Variants in CSNK1G3 observed in about 807,000 individuals in gnomAD.
CSNK1G3 encodes the protein casein kinase 1 gamma 3.
Under a neutral mutation model 64.3 loss-of-function variants are expected in CSNK1G3, and 23 were observed. That is an observed-to-expected ratio of 0.36 (90% CI 0.26 to 0.51). The LOEUF is 0.51. CSNK1G3 is among the 20% of genes least tolerant of loss of function. The pLI is 0.96. For synonymous variants in CSNK1G3, 158 were observed against 162.2 expected, an observed-to-expected ratio of 0.97 and a Z score of 0.20; for missense variants, 357 against 510.5, an observed-to-expected ratio of 0.70 and a Z score of 2.90.
chr5:123,542,533 G>A (rs1466111903), intron 1 of CSNK1G3, among the ~76,000 whole-genome samples: 1 of 152,060 alleles, frequency 6.6e-6, no homozygotes, highest in African/African-American at 2.4e-5. Flanking sequence ...TGTTGTGCAG[G>A]TCTGCTGGCA....
chr5:123,549,598 G>C (rs1460826440), intron 2 of CSNK1G3, among the ~76,000 whole-genome samples: 1 of 152,140 alleles, frequency 6.6e-6, no homozygotes, highest in Non-Finnish European at 1.5e-5. Flanking sequence ...CATTTACCTT[G>C]CCCTGCATTG....
rs1278088409 is a variant in CSNK1G3, at chr5:123,543,526, ACTC to A, written c.-247-1888_-247-1886del. ...CCTTACCGCACCACTCCACTGCAAA[ACTC>A]CTTCATTTTTGATACTGTGTACTAC... On this transcript the variant is annotated intron_variant, in intron 1 of 12. Transcript: ENST00000345990. Among the ~76,000 whole-genome samples, 17 of 151,640 alleles carry A rather than the reference ACTC, an allele frequency of 1.1e-4. No homozygotes were observed. The South Asian group carries it at 1.7e-3, about 15-fold the overall frequency.
At chr5:123,553,112 A>T (rs749157272) in exon 3 of CSNK1G3, 1 of 1,397,110 alleles carries the variant, frequency 7.2e-7, no homozygotes, top group Non-Finnish European at 9.6e-7. Flanking sequence ...TCAAGGGAAA[A>T]ATTTATACAC....
intron 11 of CSNK1G3, among the ~76,000 whole-genome samples, chr5:123,605,131 C>T (rs966744814): frequency 6.6e-6 from 1 of 151,948 alleles, no homozygotes; most frequent in Non-Finnish European, 1.5e-5. Context: ...GATGTACTAT[C>T]AATCTTTTTT....
chr5:123,526,039 T>A (rs1018189412), intron 1 of CSNK1G3, among the ~76,000 whole-genome samples: 5 of 151,640 alleles, frequency 3.3e-5, no homozygotes, highest in Non-Finnish European at 5.9e-5. Context: ...ATAGAAATAT[T>A]TTTCATTTTA....
chr5:123,545,589 C>T, exon 2 of CSNK1G3: 2 of 1,210,258 alleles, frequency 1.7e-6, no homozygotes, highest in Non-Finnish European at 2.4e-6. Flanking sequence ...TAGTGATGTA[C>T]CTATTTTCAC....
intron 10 of CSNK1G3, among the ~76,000 whole-genome samples, chr5:123,600,903 CTTT>C (rs376563590): frequency 1.4e-5 from 2 of 138,328 alleles, no homozygotes; most frequent in African/African-American, 2.6e-5. Context: ...GTCTAGTTGC[CTTT>C]TTTTTTTTTT....
At chr5:123,586,512 A>G (rs1250719228) in intron 6 of CSNK1G3, among the ~76,000 whole-genome samples, 4 of 152,134 alleles carry the variant, frequency 2.6e-5, no homozygotes, top group Non-Finnish European at 4.4e-5. Context: ...AAAATTTGCT[A>G]TTTTTAATAG....
intron 1 of CSNK1G3, among the ~76,000 whole-genome samples, chr5:123,517,203 A>G (rs915291398): frequency 6.6e-6 from 1 of 152,192 alleles, no homozygotes; most frequent in Non-Finnish European, 1.5e-5. Context: ...AGATTAAATG[A>G]TAGTCTTCAT....
chr5:123,553,059 C>T (rs763041809), intron 2 of CSNK1G3, 48 bp from the exon 3 acceptor site: 1 of 1,049,342 alleles, frequency 9.5e-7, no homozygotes, highest in South Asian at 1.7e-5. Context: ...TATAATGTAT[C>T]TTTAAAATCA....
At chr5:123,605,298 C>CT (rs369974369) in intron 11 of CSNK1G3, 41 bp from the exon 13 acceptor site, 72 of 1,534,654 alleles carry the variant, frequency 4.7e-5, no homozygotes, top group Middle Eastern at 1.7e-4. Flanking sequence ...CTCTCTCTCT[C>CT]TTTTTTTTCC....
chr5:123,541,861 C>T, intron 1 of CSNK1G3, among the ~76,000 whole-genome samples: 1 of 151,826 alleles, frequency 6.6e-6, no homozygotes, highest in Admixed American at 6.6e-5. Context: ...AGTCCACTGT[C>T]TTGCTATTTG....
At chr5:123,521,506 G>C (rs1426051301) in intron 1 of CSNK1G3, among the ~76,000 whole-genome samples, 2 of 152,060 alleles carry the variant, frequency 1.3e-5, no homozygotes, top group African/African-American at 2.4e-5. Context: ...TTGTGAGTTT[G>C]CTTATTATTG....
At chr5:123,561,471 G>T (rs1052612249) in intron 4 of CSNK1G3, among the ~76,000 whole-genome samples, 7 of 152,166 alleles carry the variant, frequency 4.6e-5, no homozygotes, top group African/African-American at 1.7e-4. Flanking sequence ...AACAAGTAAA[G>T]GGATGTAATG....
At chr5:123,541,941 T>C (rs1407872216) in intron 1 of CSNK1G3, among the ~76,000 whole-genome samples, 1 of 152,108 alleles carries the variant, frequency 6.6e-6, no homozygotes, top group Non-Finnish European at 1.5e-5. Context: ...TCCATTTTAT[T>C]TCTTGTACTG....
At chr5:123,613,168 G>T (rs754029675) in intron 12 of CSNK1G3, among the ~76,000 whole-genome samples, 83 of 151,964 alleles carry the variant, frequency 5.5e-4, no homozygotes, top group Non-Finnish European at 9.6e-4. Flanking sequence ...ATTTAAGATA[G>T]ATGTGTATTT....
intron 10 of CSNK1G3, among the ~76,000 whole-genome samples, chr5:123,592,465 CT>C (rs992511266): frequency 6.6e-6 from 1 of 150,784 alleles, no homozygotes; most frequent in South Asian, 2.1e-4. Flanking sequence ...CTCTCTTTCT[CT>C]TTTTTTTGGT....
chr5:123,555,765 A>G (rs754681760), intron 3 of CSNK1G3, among the ~76,000 whole-genome samples: 6 of 152,120 alleles, frequency 3.9e-5, no homozygotes. Context: ...AAATGACTCA[A>G]CTAAGTCAGA....
At chr5:123,551,598 T>C (rs1162187877) in intron 2 of CSNK1G3, among the ~76,000 whole-genome samples, 2 of 152,136 alleles carry the variant, frequency 1.3e-5, no homozygotes, top group Non-Finnish European at 2.9e-5. Flanking sequence ...TTTGTATAAA[T>C]AAACACTACT....
Sources: gnomAD v4.1 joint callset for allele counts (sites outside exome capture counted in the v4.1 genomes callset) on GRCh38, gnomAD v4.1.1 for gene constraint, MANE v1.5 for transcripts, NCBI Gene and HGNC (gene_info 2026-07-23, HGNC 2026-07-21) for gene names.